The following CCDC141 variants were observed in gnomAD, a reference collection of about 807,000 sequenced individuals.
CCDC141 encodes coiled-coil domain containing 141.
Under a neutral mutation model 181.0 loss-of-function variants are expected in CCDC141, and 168 were observed. That is an observed-to-expected ratio of 0.93 (90% CI 0.82 to 1.05). CCDC141 has a LOEUF of 1.05. Among genes scored for constraint, CCDC141 ranks in the 50% least tolerant of loss-of-function variants. The probability of loss-of-function intolerance (pLI) is 0.00; values close to 1 mark genes in which losing one functional copy is unlikely to be tolerated. For synonymous variants in CCDC141, 666 were observed against 642.3 expected (o/e 1.04, Z -0.56); for missense variants, 1,902 against 1,788.5 (o/e 1.06, Z -1.14).
At chr2:178,819,190 T>G in the CCDC141 span, among the ~76,000 whole-genome samples, 1 of 152,104 alleles carries the variant, frequency 6.6e-6, no homozygotes, top group Non-Finnish European at 1.5e-5. Flanking sequence ...TAGGGGCCTT[T>G]TTGCCAAAAA....
At position 178,978,333 on chromosome 2, in the gene CCDC141, CA is replaced by C. The variant is rs1691214651; in HGVS notation, c.417+150del. 10 of 450,396 alleles carry C rather than the reference CA, an allele frequency of 2.2e-5. No individual in the cohort carries two copies. In the East Asian group the frequency reaches 3.6e-4, roughly 16 times the overall value. The allele number at this position is 450,396 out of a possible 1,614,324, so 27.9% of individuals were successfully genotyped here. On this transcript the variant is annotated intron_variant, in intron 3 of 23. Transcript: ENST00000443758. The stretch of plus-strand genomic sequence containing the variant: ...AGTAATAATTTTGTTTTTTGACAAT[CA>C]AAAATTAAATATATTGTGTATGTAT...
Position 179,022,468 on chromosome 2 carries a change from T to G in CCDC141, c.225+24816A>C, listed in dbSNP as rs376189219. On this transcript the variant is annotated intron_variant, in intron 2 of 23. Transcript: ENST00000443758. Reference sequence around the variant, plus strand: ...CGAGGAAAGAGGCAGCTTTTCTACCTTGAAGACCTAGCTCTCTTCCCTGCC... The same window carrying G: ...CGAGGAAAGAGGCAGCTTTTCTACCGTGAAGACCTAGCTCTCTTCCCTGCC... Among the ~76,000 whole-genome samples the G allele has an allele frequency of 5.3e-5, 8 of 152,076 alleles. No individual in the cohort carries two copies. The East Asian group carries it at 1.5e-3, about 29-fold the overall frequency.
intron 2 of CCDC141, among the ~76,000 whole-genome samples, chr2:178,988,770 C>T (rs1173852567): frequency 2.0e-5 from 3 of 152,010 alleles, no homozygotes; most frequent in Non-Finnish European, 4.4e-5. Flanking sequence ...TACAAAGCAA[C>T]AGTAATCAAA....
At chr2:179,048,379 G>A (rs186955572) in intron 1 of CCDC141, among the ~76,000 whole-genome samples, 1 of 152,140 alleles carries the variant, frequency 6.6e-6, no homozygotes, top group Non-Finnish European at 1.5e-5. Flanking sequence ...GGAGAGGGTA[G>A]TGGGGGAACA....
At chr2:178,855,832 G>T (rs549788965) in intron 18 of CCDC141, among the ~76,000 whole-genome samples, 1 of 152,298 alleles carries the variant, frequency 6.6e-6, no homozygotes, top group South Asian at 2.1e-4. Context: ...TCCTCAATAA[G>T]CTCACTGTCT....
intron 2 of CCDC141, among the ~76,000 whole-genome samples, chr2:178,998,086 A>G (rs544322914): frequency 4.0e-5 from 6 of 149,794 alleles, no homozygotes; most frequent in African/African-American, 1.5e-4. Flanking sequence ...AAATTCAGCA[A>G]TAATATTGCA....
At chr2:178,820,162 T>G in the CCDC141 span, among the ~76,000 whole-genome samples, 1 of 152,222 alleles carries the variant, frequency 6.6e-6, no homozygotes, top group Non-Finnish European at 1.5e-5. Flanking sequence ...ATGTAGCTGC[T>G]GCTCTGCCCT....
intron 22 of CCDC141, among the ~76,000 whole-genome samples, chr2:178,842,584 C>G (rs1470972952): frequency 2.6e-5 from 4 of 152,184 alleles, no homozygotes; most frequent in African/African-American, 4.8e-5. Context: ...GTGGGCAGAA[C>G]CAATCCTCAA....
At chr2:178,824,174 T>A in the CCDC141 span, among the ~76,000 whole-genome samples, 11 of 152,152 alleles carry the variant, frequency 7.2e-5, 1 homozygote, top group African/African-American at 2.7e-4. Context: ...TGCTATATAA[T>A]TTTGATTAAG....
chr2:178,834,690 G>A (rs1473596153), intron 23 of CCDC141, among the ~76,000 whole-genome samples: 1 of 151,556 alleles, frequency 6.6e-6, no homozygotes, highest in African/African-American at 2.4e-5. Context: ...CCCACCTCAG[G>A]CTCTCAAGTA....
intron 8 of CCDC141, among the ~76,000 whole-genome samples, chr2:178,892,451 T>TTTCTCTCA (rs1302711691): frequency 3.9e-5 from 6 of 152,114 alleles, no homozygotes; most frequent in African/African-American, 1.2e-4. Context: ...ACCAGTTCCT[T>TTTCTCTCA]TTCTCTCATT....
chr2:178,987,022 C>A (rs1297800632), intron 2 of CCDC141, among the ~76,000 whole-genome samples: 1 of 151,824 alleles, frequency 6.6e-6, no homozygotes, highest in Non-Finnish European at 1.5e-5. Flanking sequence ...CAATCCAAAG[C>A]CAAAAGAACA....
intron 6 of CCDC141, 63 bp from the exon 7 acceptor site, chr2:178,918,970 C>A: frequency 1.4e-6 from 2 of 1,380,976 alleles, no homozygotes; most frequent in Non-Finnish European, 9.8e-7. Flanking sequence ...TGCTTGTGTC[C>A]CCCCGAAATT....
In CCDC141 at chr2:178,933,740, C is replaced by G. The variant is rs112771872; in HGVS notation, c.897+10795G>C. ...ACTTTGCTTGGATGATATTTCATTGCCCATCTGGTCTCAAATCCAAATGCT... is the reference window on the plus strand; with the variant it reads ...ACTTTGCTTGGATGATATTTCATTGGCCATCTGGTCTCAAATCCAAATGCT... On this transcript the variant is annotated intron_variant, in intron 6 of 23. Transcript: ENST00000443758. Among the ~76,000 whole-genome samples, 489 of 152,266 alleles carry G rather than the reference C, an allele frequency of 3.2e-3. 1 individual carries two copies. The highest frequency in any genetic ancestry group is 4.9e-3 in the Non-Finnish European group (335 of 68,016).
At position 178,978,618 on chromosome 2, in the gene CCDC141, TC is replaced by T. The variant is rs757884042; in HGVS notation, c.282del (p.Asn95ThrfsTer35). The T allele has an allele frequency of 3.0e-4, 461 of 1,549,448 alleles. No homozygotes were observed. Among genetic ancestry groups the T allele is most frequent in the Non-Finnish European group, 3.8e-4 (438 of 1,146,512 alleles). On this transcript the variant is annotated frameshift_variant, in exon 3 of 24. Transcript: ENST00000443758. LOFTEE classifies it high-confidence loss of function. ...TCATAGACCTGACTCTGATCCTTGT[TC>T]TCTTCAGCTGTCTTGTCTGCTTCCT... The part of the protein sequence containing the change: ...LLQEADKTAE[E>X]NKDQSQVYDA...
intron 5 of CCDC141, among the ~76,000 whole-genome samples, chr2:178,947,939 C>A (rs1213430745): frequency 6.6e-6 from 1 of 152,116 alleles, no homozygotes. Context: ...GTGGTTCATG[C>A]CTGTAAACCA....
intron 12 of CCDC141, chr2:178,875,573 A>AG (rs1686322632): frequency 2.0e-5 from 3 of 152,200 alleles, no homozygotes. Context: ...TAAAAAAAAA[A>AG]GAAAAGAAAG....
At chr2:178,815,936 G>A in the CCDC141 span, among the ~76,000 whole-genome samples, 1 of 152,128 alleles carries the variant, frequency 6.6e-6, no homozygotes, top group Non-Finnish European at 1.5e-5. Context: ...AACAACTGTT[G>A]TAAGAGTATA....
intron 8 of CCDC141, among the ~76,000 whole-genome samples, chr2:178,892,468 T>C (rs1687202246): frequency 1.3e-5 from 2 of 152,142 alleles, no homozygotes; most frequent in Admixed American, 1.3e-4. Flanking sequence ...CATTCCCAAT[T>C]AGAATATATC....
Sources: allele counts gnomAD v4.1 joint callset (sites outside exome capture counted in the v4.1 genomes callset), GRCh38; gene constraint gnomAD v4.1.1; transcripts MANE v1.5; gene names NCBI Gene and HGNC (gene_info 2026-07-23, HGNC 2026-07-21).